Variants in NLRC4 observed in about 807,000 individuals in gnomAD.
NLRC4 encodes the protein NLR family CARD domain-containing protein 4.
NLRC4 carries 63 observed loss-of-function variants against 79.9 expected under a neutral mutation model. That is an observed-to-expected ratio of 0.79 (90% CI 0.64 to 0.97). NLRC4 has a LOEUF of 0.97. NLRC4 is among the 50% of genes least tolerant of loss of function. The pLI, the probability that NLRC4 is intolerant of heterozygous loss-of-function variation, is 0.00. For missense variants in NLRC4, 1,074 were observed against 1,215.2 expected, an observed-to-expected ratio of 0.88 and a Z score of 1.73; for synonymous variants, 461 against 456.5, an observed-to-expected ratio of 1.01 and a Z score of -0.12.
chr2:32,261,316 C>CTTTTTTTTTTTTTTTTT lies in NLRC4; in HGVS notation c.-119+3421_-119+3422insAAAAAAAAAAAAAAAAA, dbSNP rs751434892. ...TTCTTTCGCCTATTAAGCCTCCCCC[C>CTTTTTTTTTTTTTTTTT]TTTTGTTTTTTTTTGAGATGGAGCC... On this transcript the variant is annotated intron_variant, in intron 1 of 8. Transcript: ENST00000402280. Among the ~76,000 whole-genome samples the CTTTTTTTTTTTTTTTTT allele has an allele frequency of 2.6e-3, 256 of 96,746 alleles. 12 individuals are homozygous for CTTTTTTTTTTTTTTTTT. Among genetic ancestry groups the CTTTTTTTTTTTTTTTTT allele is most frequent in the African/African-American group, 3.3e-3 (79 of 24,176 alleles). 63.5% of individuals were successfully genotyped at this position (96,746 alleles called of 152,430 possible).
At chr2:32,229,433 G>A (rs1686479950) in intron 8 of NLRC4, among the ~76,000 whole-genome samples, 1 of 152,140 alleles carries the variant, frequency 6.6e-6, no homozygotes, top group Non-Finnish European at 1.5e-5. Flanking sequence ...AGCGGAGGTT[G>A]CAGTGAGCCA....
intron 5 of NLRC4, 45 bp from the exon 6 acceptor site, chr2:32,238,347 C>T (rs199797000): frequency 1.0e-3 from 1,521 of 1,490,828 alleles, no homozygotes; most frequent in Non-Finnish European, 1.2e-3. Flanking sequence ...CAAGTTAATT[C>T]GATTTAAGCA....
At chr2:32,254,892 A>G (rs1687169451) in intron 2 of NLRC4, among the ~76,000 whole-genome samples, 1 of 151,744 alleles carries the variant, frequency 6.6e-6, no homozygotes, top group Non-Finnish European at 1.5e-5. Context: ...TGCTAGGATT[A>G]CAGGCATGAG....
chr2:32,262,910 A>G (rs1420463309), intron 1 of NLRC4, among the ~76,000 whole-genome samples: 2 of 151,682 alleles, frequency 1.3e-5, no homozygotes, highest in African/African-American at 4.8e-5. Flanking sequence ...CCACATTTGT[A>G]CATTGGAAAA....
chr2:32,252,427 T>C lies in NLRC4; in HGVS notation c.254A>G (p.Asn85Ser), dbSNP rs1687099251. ...EWNYPLFQDLNGQSLFHQTSE... is the reference protein window; with the variant it reads ...EWNYPLFQDLSGQSLFHQTSE... ...AACTAACTGATACTTACTTTGTCCA[T>C]TCAAGTCCTGAAATAGAGGATAGTT... Residue 85 changes from asparagine to serine, a missense_variant, in exon 3 of 9, where the codon AAT becomes AGT. Transcript: ENST00000402280. 22 of 1,608,388 alleles carry C rather than the reference T, an allele frequency of 1.4e-5. No individual in the cohort carries two copies. Among genetic ancestry groups the C allele is most frequent in the Non-Finnish European group, 1.9e-5 (22 of 1,174,798 alleles).
chr2:32,257,365 T>C (rs891531184), intron 1 of NLRC4, among the ~76,000 whole-genome samples: 1 of 151,960 alleles, frequency 6.6e-6, no homozygotes, highest in Non-Finnish European at 1.5e-5. Flanking sequence ...CCCAACACTT[T>C]GGGAGGCCGA....
intron 1 of NLRC4, among the ~76,000 whole-genome samples, chr2:32,258,888 C>T (rs1297912943): frequency 6.6e-6 from 1 of 152,138 alleles, no homozygotes; most frequent in African/African-American, 2.4e-5. Context: ...CTCATACACA[C>T]ATACACGACC....
chr2:32,244,720 T>C (rs1193537157), intron 4 of NLRC4, among the ~76,000 whole-genome samples: 1 of 152,012 alleles, frequency 6.6e-6, no homozygotes, highest in Non-Finnish European at 1.5e-5. Context: ...GGCTCATACA[T>C]ATAATCCTAG....
chr2:32,253,692 C>T (rs936470424), intron 2 of NLRC4, among the ~76,000 whole-genome samples: 6 of 151,660 alleles, frequency 4.0e-5, no homozygotes, highest in Admixed American at 3.3e-4. Context: ...TGGCCGGGTG[C>T]GGTGGCTCAC....
chr2:32,224,452 C>A, downstream of NLRC4: 2 of 1,540,144 alleles, frequency 1.3e-6, no homozygotes, highest in Non-Finnish European at 1.8e-6. Flanking sequence ...AGAGCACTTA[C>A]TGGCTTCGAG....
At chr2:32,253,596 A>C in intron 2 of NLRC4, among the ~76,000 whole-genome samples, 1 of 152,144 alleles carries the variant, frequency 6.6e-6, no homozygotes, top group East Asian at 1.9e-4. Flanking sequence ...AATAATGGCA[A>C]TGGCCTAGGA....
intron 2 of NLRC4, among the ~76,000 whole-genome samples, chr2:32,255,073 C>G (rs1350528547): frequency 6.6e-6 from 1 of 151,912 alleles, no homozygotes; most frequent in African/African-American, 2.4e-5. Flanking sequence ...AGCTCTGCTG[C>G]TGACCTCAGC....
chr2:32,227,160 G>T (rs775503392), intron 8 of NLRC4, among the ~76,000 whole-genome samples: 3 of 127,928 alleles, frequency 2.3e-5, no homozygotes, highest in Non-Finnish European at 3.3e-5. Context: ...CACTCTTAAG[G>T]AATAGAGGAG....
At chr2:32,233,347 ATAT>A (rs1218408462) in intron 8 of NLRC4, among the ~76,000 whole-genome samples, 3 of 45,626 alleles carry the variant, frequency 6.6e-5, no homozygotes, top group South Asian at 6.2e-4. Context: ...ATATATATAT[ATAT>A]TTTTTTTTTT....
intron 6 of NLRC4, 75 bp downstream of exon 6, chr2:32,238,057 T>A: frequency 9.8e-7 from 1 of 1,017,954 alleles, no homozygotes; most frequent in South Asian, 2.0e-5. Context: ...TTTGAGACAT[T>A]TAGTGTGAAT....
intron 1 of NLRC4, among the ~76,000 whole-genome samples, chr2:32,260,213 C>CAAAAAAAAAAAAAAAAAAA (rs1197388989): frequency 5.3e-5 from 4 of 75,074 alleles, no homozygotes; most frequent in African/African-American, 1.8e-4. Context: ...TGGGCAACGA[C>CAAAAAAAAAAAAAAAAAAA]AAAAAAAAAA....
In NLRC4 at chr2:32,254,109, G is replaced by A. The variant is rs139350577; in HGVS notation, c.2-1430C>T. Among the ~76,000 whole-genome samples the A allele has an allele frequency of 5.7e-4, 86 of 151,972 alleles. 1 individual carries two copies. The highest frequency in any genetic ancestry group is 1.8e-3 in the African/African-American group (76 of 41,310). ...CCATGGCCTATTTCAAGCTAACAGC[G>A]TATGTTAACTGGCTAACAAAAATCC... On this transcript the variant is annotated intron_variant, in intron 2 of 8. Coordinates refer to ENST00000402280, the MANE Select transcript of NLRC4 (RefSeq NM_001199138.2).
chr2:32,256,919 G>A, intron 1 of NLRC4, 26 bp from the exon 2 acceptor site: 1 of 619,554 alleles, frequency 1.6e-6, no homozygotes, highest in Non-Finnish European at 3.0e-6. Context: ...AACAGAACCA[G>A]AGACTATCAG....
intron 2 of NLRC4, 66 bp downstream of exon 2, chr2:32,256,709 T>A (rs1687214345): frequency 1.4e-6 from 1 of 732,248 alleles, no homozygotes; most frequent in African/African-American, 2.1e-5. Context: ...TGATTTTCCA[T>A]TTAAAATCAC....
Sources: gnomAD v4.1 joint callset for allele counts (sites outside exome capture counted in the v4.1 genomes callset) on GRCh38, gnomAD v4.1.1 for gene constraint, MANE v1.5 for transcripts, NCBI Gene and HGNC (gene_info 2026-07-23, HGNC 2026-07-21) for gene names.